ABCB7: variants seen among roughly 807,000 people sequenced by gnomAD.
ABCB7 encodes the protein iron-sulfur clusters transporter ABCB7, mitochondrial.
A neutral mutation model predicts 54.4 loss-of-function variants in ABCB7; 7 were observed. That is an observed-to-expected ratio of 0.13 (90% confidence interval 0.07 to 0.24). The LOEUF is 0.24. Among genes scored for constraint, ABCB7 ranks in the 10% least tolerant of loss-of-function variants. ABCB7 has a pLI of 1.00. For synonymous variants in ABCB7, 218 were observed against 207.1 expected, an observed-to-expected ratio of 1.05 and a Z score of -0.45; for missense variants, 356 against 570.4, an observed-to-expected ratio of 0.62 and a Z score of 3.83.
At chrX:75,116,785 G>A (rs1239402159) in intron 1 of ABCB7, among the ~76,000 whole-genome samples, 1 of 110,777 alleles carries the variant, frequency 9.0e-6, no homozygotes, top group Non-Finnish European at 1.9e-5. Flanking sequence ...GATGAGCTAC[G>A]AGGTCGGCAC....
intron 3 of ABCB7, among the ~76,000 whole-genome samples, chrX:75,104,685 A>G (rs975236974): frequency 9.0e-6 from 1 of 111,311 alleles, no homozygotes. Context: ...ATCCTCCGTA[A>G]CTCATTCTAC....
intron 12 of ABCB7, among the ~76,000 whole-genome samples, chrX:75,067,450 A>C (rs906543138): frequency 9.0e-6 from 1 of 111,428 alleles, no homozygotes; most frequent in Non-Finnish European, 1.9e-5. Flanking sequence ...AGTTCACTTG[A>C]CACACAGTTT....
At chrX:75,061,132 C>T (rs756545228) in intron 14 of ABCB7, among the ~76,000 whole-genome samples, 1 of 112,000 alleles carries the variant, frequency 8.9e-6, no homozygotes, top group African/African-American at 3.2e-5. Context: ...TAATAAGGTA[C>T]AAGGCCAATA....
At chrX:75,077,545 GA>G (rs936993888) in intron 4 of ABCB7, among the ~76,000 whole-genome samples, 2 of 112,037 alleles carry the variant, frequency 1.8e-5, no homozygotes, top group African/African-American at 6.5e-5. Flanking sequence ...AATAACATGT[GA>G]AAACAATTTT....
At chrX:75,136,041 C>A (rs1216471405) in intron 1 of ABCB7, among the ~76,000 whole-genome samples, 1 of 110,225 alleles carries the variant, frequency 9.1e-6, no homozygotes. Flanking sequence ...ATCAATTTAT[C>A]TCTCTTCACA....
chrX:75,080,441 A>G (rs1395274289), intron 4 of ABCB7, among the ~76,000 whole-genome samples: 1 of 110,984 alleles, frequency 9.0e-6, no homozygotes, highest in Non-Finnish European at 1.9e-5. Flanking sequence ...AGTAGCTGGG[A>G]CTACAATTGC....
At chrX:75,104,765 C>T (rs1397856576) in intron 3 of ABCB7, among the ~76,000 whole-genome samples, 1 of 111,312 alleles carries the variant, frequency 9.0e-6, no homozygotes, top group Non-Finnish European at 1.9e-5. Flanking sequence ...AAACTACAGG[C>T]CAATATCCCT....
chrX:75,072,680 G>A (rs939999141), intron 8 of ABCB7, among the ~76,000 whole-genome samples: 1 of 110,982 alleles, frequency 9.0e-6, no homozygotes, highest in African/African-American at 3.3e-5. Context: ...TGAAGGCCTC[G>A]GGCATTACCG....
chrX:75,056,404 A>G (rs1021792784), intron 15 of ABCB7, among the ~76,000 whole-genome samples: 1 of 111,735 alleles, frequency 8.9e-6, no homozygotes, highest in African/African-American at 3.3e-5. Flanking sequence ...ATGGATGCTT[A>G]GATGTTTTTT....
At chrX:75,062,770 C>T (rs1464930628) in intron 13 of ABCB7, 2 of 151,372 alleles carry the variant, frequency 1.3e-5, no homozygotes, top group African/African-American at 6.2e-5. Flanking sequence ...TCTCAATGAA[C>T]TGCAATCTCA....
chrX:75,077,649 A>C (rs1438817022), intron 4 of ABCB7, among the ~76,000 whole-genome samples: 1 of 111,939 alleles, frequency 8.9e-6, no homozygotes, highest in African/African-American at 3.2e-5. Flanking sequence ...TAACTGATAG[A>C]AGCTATGTAA....
chrX:75,077,989 C>G (rs1460930752), intron 4 of ABCB7, among the ~76,000 whole-genome samples: 1 of 106,272 alleles, frequency 9.4e-6, no homozygotes, highest in African/African-American at 3.5e-5. Flanking sequence ...TCTCGGCTCA[C>G]TGCAAACTCC....
intron 1 of ABCB7, among the ~76,000 whole-genome samples, chrX:75,119,784 C>G (rs1429207402): frequency 8.9e-6 from 1 of 111,771 alleles, no homozygotes; most frequent in Non-Finnish European, 1.9e-5. Context: ...TTAATAGTTA[C>G]AATTATTATG....
chrX:75,060,005 A>C (rs2081270223), intron 15 of ABCB7, among the ~76,000 whole-genome samples: 1 of 111,057 alleles, frequency 9.0e-6, no homozygotes, highest in Non-Finnish European at 1.9e-5. Flanking sequence ...TTTCCTGATT[A>C]AACTTTTGCT....
intron 3 of ABCB7, among the ~76,000 whole-genome samples, chrX:75,103,258 A>T (rs897091506): frequency 1.6e-4 from 18 of 111,553 alleles, no homozygotes; most frequent in African/African-American, 5.5e-4. Flanking sequence ...CAAGTCTTAC[A>T]TTTAAGTCTT....
rs1602342137 is a variant in ABCB7 at position 75,071,800 on chromosome X, A to T, written c.1033-117T>A. 5.9e-6 allele frequency: 3 copies of T among 505,169 alleles called. No homozygotes were observed. The East Asian group carries it at 1.1e-4, about 19-fold the overall frequency. 41.6% of individuals were successfully genotyped at this position (505,169 alleles called of 1,213,427 possible). On this transcript the variant is annotated intron_variant, in intron 8 of 15. Coordinates refer to ENST00000373394, the MANE Select transcript of ABCB7 (RefSeq NM_001271696.3). ...AATACAATTTTGTACTGTAGATTCC[A>T]TTTTAAAAATTGACTCAATATATTG...
intron 3 of ABCB7, among the ~76,000 whole-genome samples, chrX:75,109,439 T>C (rs2081737680): frequency 9.0e-6 from 1 of 111,412 alleles, no homozygotes; most frequent in Non-Finnish European, 1.9e-5. Context: ...CTTGTTCTTT[T>C]CAAGGGAGTG....
chrX:75,083,451 T>C (rs1039494857), intron 4 of ABCB7, among the ~76,000 whole-genome samples: 1 of 111,576 alleles, frequency 9.0e-6, no homozygotes, highest in Non-Finnish European at 1.9e-5. Flanking sequence ...TGGAGAAACA[T>C]ACTACATTCA....
chrX:75,135,625 C>T (rs1212370928), intron 1 of ABCB7, among the ~76,000 whole-genome samples: 1 of 111,618 alleles, frequency 9.0e-6, no homozygotes, highest in African/African-American at 3.3e-5. Flanking sequence ...AAAAGCTAAT[C>T]CACCATGACC....
Sources: allele counts gnomAD v4.1 joint callset (sites outside exome capture counted in the v4.1 genomes callset), GRCh38; gene constraint gnomAD v4.1.1; transcripts MANE v1.5; gene names NCBI Gene and HGNC (gene_info 2026-07-23, HGNC 2026-07-21).